NRXN1: variants seen among roughly 807,000 people sequenced by gnomAD.
The protein encoded by NRXN1 is neurexin 1.
NRXN1 carries 39 observed loss-of-function variants against 150.9 expected under a neutral mutation model. That is an observed-to-expected ratio of 0.26 (90% confidence interval 0.20 to 0.34). The LOEUF is 0.34. Among genes scored for constraint, NRXN1 ranks in the 10% least tolerant of loss-of-function variants. NRXN1 has a pLI of 1.00. For synonymous variants in NRXN1, 924 were observed against 757.0 expected (o/e 1.22, Z -3.62); for missense variants, 1,815 against 1,949.9 (o/e 0.93, Z 1.30).
intron 5 of NRXN1, among the ~76,000 whole-genome samples, chr2:50,702,571 C>A: frequency 6.6e-6 from 1 of 151,992 alleles, no homozygotes; most frequent in East Asian, 1.9e-4. Context: ...TTTATAATGC[C>A]TTGGCCGCCA....
At chr2:50,862,658 A>G (rs187118861) in intron 5 of NRXN1, among the ~76,000 whole-genome samples, 3 of 152,220 alleles carry the variant, frequency 2.0e-5, no homozygotes, top group African/African-American at 7.2e-5. Context: ...TGATCACAGT[A>G]GTACATGACT....
intron 21 of NRXN1, among the ~76,000 whole-genome samples, chr2:49,996,115 A>T (rs909518476): frequency 1.3e-5 from 2 of 152,110 alleles, no homozygotes; most frequent in African/African-American, 4.8e-5. Context: ...AGAAGGGGAG[A>T]ACACATACTT....
At chr2:50,817,219 C>A (rs1227415195) in intron 5 of NRXN1, among the ~76,000 whole-genome samples, 2 of 151,970 alleles carry the variant, frequency 1.3e-5, no homozygotes, top group African/African-American at 4.8e-5. Context: ...ATTAAAAGAA[C>A]CTACTGTGAA....
chr2:50,671,168 C>A (rs960818010), intron 5 of NRXN1, among the ~76,000 whole-genome samples: 2 of 151,664 alleles, frequency 1.3e-5, no homozygotes, highest in African/African-American at 4.8e-5. Context: ...TTTTCTTCTT[C>A]TGGTTTCCTG....
chr2:50,323,430 TA>T (rs1300097444), intron 17 of NRXN1, among the ~76,000 whole-genome samples: 10 of 152,098 alleles, frequency 6.6e-5, no homozygotes, highest in Admixed American at 6.5e-4. Flanking sequence ...CTAGAACCAC[TA>T]AAGAGCAGAT....
intron 9 of NRXN1, among the ~76,000 whole-genome samples, chr2:50,545,256 T>C (rs956824714): frequency 2.6e-5 from 4 of 152,154 alleles, no homozygotes; most frequent in African/African-American, 7.2e-5. Context: ...TAAACACACA[T>C]ACACATTCAC....
chr2:50,368,467 C>T (rs916796201), intron 17 of NRXN1, among the ~76,000 whole-genome samples: 9 of 151,866 alleles, frequency 5.9e-5, no homozygotes, highest in African/African-American at 1.7e-4. Context: ...GACCTTTTAG[C>T]AGAAATGTTT....
At chr2:50,241,978 G>C (rs1559155557) in intron 17 of NRXN1, among the ~76,000 whole-genome samples, 1 of 151,646 alleles carries the variant, frequency 6.6e-6, no homozygotes, top group Non-Finnish European at 1.5e-5. Flanking sequence ...AATTAACTTC[G>C]GAGTAGATTA....
intron 17 of NRXN1, among the ~76,000 whole-genome samples, chr2:50,287,337 T>A (rs899154842): frequency 2.0e-5 from 3 of 152,078 alleles, no homozygotes; most frequent in Non-Finnish European, 4.4e-5. Context: ...TAACATGCCA[T>A]TAGTGCTGGA....
At chr2:50,698,943 G>A (rs927176843) in intron 5 of NRXN1, among the ~76,000 whole-genome samples, 1 of 152,048 alleles carries the variant, frequency 6.6e-6, no homozygotes, top group Non-Finnish European at 1.5e-5. Context: ...ACCACAAAAA[G>A]TTCTCTCTAT....
chr2:50,118,788 A>C (rs1211925859), intron 18 of NRXN1, among the ~76,000 whole-genome samples: 1 of 152,116 alleles, frequency 6.6e-6, no homozygotes, highest in Non-Finnish European at 1.5e-5. Context: ...TCAGCTGTGG[A>C]TTGGACAGTG....
intron 5 of NRXN1, among the ~76,000 whole-genome samples, chr2:50,844,420 T>A (rs1172632175): frequency 6.6e-6 from 1 of 152,196 alleles, no homozygotes; most frequent in African/African-American, 2.4e-5. Context: ...CATGACCATG[T>A]GGTTTGTTAC....
At chr2:50,181,452 G>A (rs1484328517) in intron 18 of NRXN1, among the ~76,000 whole-genome samples, 1 of 152,070 alleles carries the variant, frequency 6.6e-6, no homozygotes. Context: ...ATTATCTTAA[G>A]AGACAAAGTA....
At chr2:50,971,176 C>T (rs1694933145) in intron 2 of NRXN1, among the ~76,000 whole-genome samples, 1 of 152,092 alleles carries the variant, frequency 6.6e-6, no homozygotes. Flanking sequence ...TCAATATTCA[C>T]CTCCCAAATT....
chr2:50,446,186 C>G (rs1009191160), intron 17 of NRXN1, among the ~76,000 whole-genome samples: 2 of 151,856 alleles, frequency 1.3e-5, no homozygotes, highest in South Asian at 4.2e-4. Context: ...AAAACCGTAT[C>G]AAAATAATGG....
intron 21 of NRXN1, among the ~76,000 whole-genome samples, chr2:50,024,363 C>A (rs973042422): frequency 6.6e-6 from 1 of 152,096 alleles, no homozygotes; most frequent in African/African-American, 2.4e-5. Context: ...TGTAGAAGTA[C>A]CCCCAAGGTT....
At chr2:50,894,737 T>A (rs907281665) in intron 5 of NRXN1, among the ~76,000 whole-genome samples, 1 of 152,134 alleles carries the variant, frequency 6.6e-6, no homozygotes, top group Non-Finnish European at 1.5e-5. Flanking sequence ...CAACAAAAAG[T>A]ATATGTTATA....
intron 21 of NRXN1, among the ~76,000 whole-genome samples, chr2:49,990,697 T>C (rs187596513): frequency 2.9e-4 from 44 of 152,244 alleles, no homozygotes; most frequent in Non-Finnish European, 5.1e-4. Flanking sequence ...TGAAGGATGA[T>C]CTTAATAGTT....
chr2:50,932,377 G>A (rs1004388106), intron 2 of NRXN1, among the ~76,000 whole-genome samples: 6 of 151,976 alleles, frequency 3.9e-5, no homozygotes, highest in African/African-American at 1.4e-4. Context: ...TTAAGTTTAT[G>A]TGAGTCCCTA....
Sources: allele counts gnomAD v4.1 joint callset (sites outside exome capture counted in the v4.1 genomes callset), GRCh38; gene constraint gnomAD v4.1.1; transcripts MANE v1.5; gene names NCBI Gene and HGNC (gene_info 2026-07-23, HGNC 2026-07-21).